Variants in SDE2 observed in about 807,000 individuals in gnomAD.
SDE2 encodes the protein splicing regulator SDE2.
Under a neutral mutation model 46.9 loss-of-function variants are expected in SDE2, and 31 were observed. That is an observed-to-expected ratio of 0.66 (90% CI 0.50 to 0.89). SDE2 has a LOEUF of 0.89. SDE2 is among the 40% of genes least tolerant of loss of function. The probability of loss-of-function intolerance (pLI) is 0.00; values close to 1 mark genes in which losing one functional copy is unlikely to be tolerated. For missense variants in SDE2, 542 were observed against 564.4 expected, an observed-to-expected ratio of 0.96 and a Z score of 0.40; for synonymous variants, 205 against 204.3, an observed-to-expected ratio of 1.00 and a Z score of -0.03.
At position 225,985,452 on chromosome 1, in the gene SDE2, C is replaced by T. The variant is rs200116300; in HGVS notation, c.1206G>A (p.Glu402=). ...GGGCCATCAGTTCACATTTGAGCTT[C>T]TCCAAACCCAGCAACTCCAGTTCTG... ...SVAELELLGL[E]KLKCELMALG... is the part of the protein sequence containing the mutation. The change falls in exon 7 of 7, where the codon GAG becomes GAA. Residue 402 remains glutamate, a synonymous_variant. Coordinates refer to ENST00000272091, the MANE Select transcript of SDE2 (RefSeq NM_152608.4). The T allele has an allele frequency of 1.7e-5, 28 of 1,614,156 alleles. No homozygotes were observed. In the East Asian group the frequency reaches 6.0e-4, roughly 35 times the overall value.
At position 225,988,162 on chromosome 1, in the gene SDE2, C is replaced by T. The variant is rs375197716; in HGVS notation, c.868G>A (p.Gly290Arg). The T allele has an allele frequency of 6.2e-7, 1 of 1,614,190 alleles. No homozygotes were observed. The highest frequency in any genetic ancestry group is 8.5e-7 in the Non-Finnish European group (1 of 1,180,038). The change falls in exon 6 of 7, where the codon GGG (glycine) becomes AGG (arginine). Residue 290 changes from glycine (G) to arginine (R), a missense_variant. Physicochemically the swap from Gly to Arg is moderately radical, Grantham distance 125. Around this residue, in one of 3 missense-constraint regions of SDE2, gnomAD observed 401 missense variants for 437.8 expected, o/e 0.92. Coordinates refer to ENST00000272091, the MANE Select transcript of SDE2 (RefSeq NM_152608.4). ...CATGAGTCTTCTAAAATATGCCTCC[C>T]AGAGTCAGTCACCGGGATCTGCAGT... is the stretch of plus-strand genomic sequence containing the variant. Reference protein sequence around the residue: ...EQLQIPVTDSGRHILEDSCAE... With the variant: ...EQLQIPVTDSRRHILEDSCAE...
At position 225,994,081 on chromosome 1, in the gene SDE2, C is replaced by CT. The variant is rs371544719; in HGVS notation, c.239-1080dup. Among the ~76,000 whole-genome samples the CT allele has an allele frequency of 6.7e-3, 945 of 140,822 alleles. 11 individuals are homozygous for CT. The highest frequency in any genetic ancestry group is 0.014 in the African/African-American group (529 of 38,562). 92.4% of individuals were successfully genotyped at this position (140,822 alleles called of 152,430 possible). On this transcript the variant is annotated intron_variant, in intron 2 of 6. Coordinates refer to ENST00000272091, the MANE Select transcript of SDE2 (RefSeq NM_152608.4). ...ACCATGCCTGGCCACATGCTTCATT[C>CT]TTTTTTTTTTTTTTTGAGAGAGTCT...
chr1:225,988,039 C>G lies in SDE2; in HGVS notation c.991G>C (p.Glu331Gln). Residue 331 changes from glutamate to glutamine, a missense_variant, in exon 6 of 7, where the codon GAA becomes CAA. Glu to Gln is a conservative substitution (Grantham distance 29). Coordinates refer to ENST00000272091, the MANE Select transcript of SDE2 (RefSeq NM_152608.4). The stretch of plus-strand genomic sequence containing the variant: ...AGTCCAGCCCCAGTGGGCTCCTCTT[C>G]TATGGGTTCTTTACTCTCTGCCTTC... The part of the protein sequence containing the change: ...EKKAESKEPI[E>Q]EEPTGAGLNK... 6.2e-7 allele frequency: 1 copy of G among 1,614,230 alleles called. No individual in the cohort carries two copies. Among genetic ancestry groups the G allele is most frequent in the Non-Finnish European group, 8.5e-7 (1 of 1,180,038 alleles).
chr1:225,993,883 C>T (rs972401787), intron 2 of SDE2, among the ~76,000 whole-genome samples: 27 of 151,776 alleles, frequency 1.8e-4, no homozygotes, highest in South Asian at 4.1e-4. Context: ...GATCCTCTTA[C>T]CACAGCCTCC....
At chr1:225,989,859 T>TG (rs1656358279) in intron 5 of SDE2, among the ~76,000 whole-genome samples, 2 of 151,966 alleles carry the variant, frequency 1.3e-5, no homozygotes, top group African/African-American at 4.8e-5. Flanking sequence ...GAGGATCACC[T>TG]GCTCAGGAGT....
intron 4 of SDE2, among the ~76,000 whole-genome samples, chr1:225,992,056 G>A (rs1656412694): frequency 6.6e-6 from 1 of 152,090 alleles, no homozygotes; most frequent in Admixed American, 6.6e-5. Context: ...GCGTGTGCCT[G>A]TAATCCCAGC....
At chr1:225,989,029 T>C (rs1280713270) in intron 5 of SDE2, among the ~76,000 whole-genome samples, 2 of 152,154 alleles carry the variant, frequency 1.3e-5, no homozygotes, top group Non-Finnish European at 2.9e-5. Flanking sequence ...CCGGGCGTGG[T>C]GGCTCATGCC....
rs773631917 is a variant in SDE2 at position 225,984,961 on chromosome 1, C to A, written c.*341G>T. The A allele has an allele frequency of 2.5e-4, 65 of 259,638 alleles. No homozygotes were observed. The highest frequency in any genetic ancestry group is 2.5e-4 in the Non-Finnish European group (34 of 135,782). The allele number at this position is 259,638 out of a possible 1,614,324, so 16.1% of individuals were successfully genotyped here. On this transcript the variant is annotated 3_prime_UTR_variant, in exon 7 of 7. Transcript: ENST00000272091. ...AAGACATTAAAAGGGTAAGAAGGGACCATTATAAATAACCTTATGTCTACA... is the reference window on the plus strand; with the variant it reads ...AAGACATTAAAAGGGTAAGAAGGGAACATTATAAATAACCTTATGTCTACA...
At chr1:225,986,299 C>T (rs1235839163) in intron 6 of SDE2, among the ~76,000 whole-genome samples, 1 of 150,552 alleles carries the variant, frequency 6.6e-6, no homozygotes, top group Admixed American at 6.6e-5. Context: ...CACACCACTG[C>T]ACTCCAGCCT....
intron 1 of SDE2, 40 bp downstream of exon 1, chr1:225,999,153 C>T (rs972570867): frequency 2.6e-6 from 4 of 1,561,238 alleles, no homozygotes; most frequent in African/African-American, 2.7e-5. Context: ...TGCCACCTGT[C>T]TGCCTCTTTC....
intron 4 of SDE2, 83 bp from the exon 5 acceptor site, chr1:225,991,446 G>A (rs1249721667): frequency 3.7e-6 from 4 of 1,074,038 alleles, no homozygotes; most frequent in African/African-American, 3.2e-5. Context: ...TGCAAAAAGA[G>A]CTGCAATCTA....
Position 225,985,403 on chromosome 1 carries a change from G to T in SDE2, c.1255C>A (p.Leu419Met). The change falls in exon 7 of 7, where the codon CTG (leucine) becomes ATG (methionine). Residue 419 changes from leucine to methionine, a missense_variant. Around this residue, in one of 3 missense-constraint regions of SDE2, gnomAD observed 401 missense variants for 437.8 expected, o/e 0.92. Transcript: ENST00000272091. ...AAGAGTCTTGCTGCCCGCTCCTGCA[G>T]AGTGCCCCCACATTTCAGTCCAAGG... ...MALGLKCGGT[L>M]QERAARLFSV... 1 of 1,614,158 alleles carries T rather than the reference G, an allele frequency of 6.2e-7. No homozygotes were observed. The highest frequency in any genetic ancestry group is 1.1e-5 in the South Asian group (1 of 91,076).
chr1:225,987,783 C>T (rs1656298306), intron 6 of SDE2, 113 bp downstream of exon 6: 1 of 1,014,770 alleles, frequency 9.9e-7, no homozygotes, highest in Non-Finnish European at 1.5e-6. Flanking sequence ...TTCTTAAAAT[C>T]AAATAAGCCT....
intron 6 of SDE2, among the ~76,000 whole-genome samples, chr1:225,987,299 C>A (rs1354341986): frequency 6.6e-6 from 1 of 152,118 alleles, no homozygotes; most frequent in Non-Finnish European, 1.5e-5. Context: ...GTGATCTGCC[C>A]ACCTCAGCTT....
intron 4 of SDE2, 84 bp downstream of exon 4, chr1:225,992,314 T>G: frequency 2.2e-6 from 2 of 927,876 alleles, no homozygotes; most frequent in Non-Finnish European, 1.6e-6. Flanking sequence ...GCTTAAGAAC[T>G]GCTCTTTGTG....
intron 1 of SDE2, among the ~76,000 whole-genome samples, chr1:225,998,571 T>C (rs1028613338): frequency 2.0e-5 from 3 of 152,212 alleles, no homozygotes; most frequent in Admixed American, 1.3e-4. Context: ...AGCTCACGTG[T>C]AACTCTGGAA....
At chr1:225,997,915 G>A (rs1470566384) in intron 1 of SDE2, among the ~76,000 whole-genome samples, 1 of 152,058 alleles carries the variant, frequency 6.6e-6, no homozygotes, top group Non-Finnish European at 1.5e-5. Flanking sequence ...CGGATCACCC[G>A]AGGTCAGGAG....
intron 3 of SDE2, 97 bp downstream of exon 3, chr1:225,992,792 TAA>T: frequency 1.4e-6 from 1 of 717,692 alleles, no homozygotes; most frequent in Non-Finnish European, 2.4e-6. Context: ...GTAAATATTT[TAA>T]GTTTCCATTT....
chr1:225,999,185 A>G lies in SDE2; in HGVS notation c.120+8T>C, dbSNP rs751711575. 6.8e-6 allele frequency: 11 copies of G among 1,608,340 alleles called. No homozygotes were observed. Among genetic ancestry groups the G allele is most frequent in the Admixed American group, 1.7e-5 (1 of 59,702 alleles). ...TTTCTCCTTCCTAACAGGAACCGAA[A>G]TCCTCACCTGATCTTGGCAGTGCCG... On this transcript the variant is annotated splice_region_variant and intron_variant, in intron 1 of 6. Coordinates refer to ENST00000272091, the MANE Select transcript of SDE2 (RefSeq NM_152608.4).
Sources: allele counts gnomAD v4.1 joint callset (sites outside exome capture counted in the v4.1 genomes callset), GRCh38; gene constraint gnomAD v4.1.1; regional missense constraint gnomAD v4.1.1; transcripts MANE v1.5; gene names NCBI Gene and HGNC (gene_info 2026-07-23, HGNC 2026-07-21).